The following SLFN12L variants were observed in gnomAD, a reference collection of about 807,000 sequenced individuals.
SLFN12L encodes the protein schlafen family member 12-like.
In SLFN12L, 34 loss-of-function variants were observed where a neutral mutation model predicts 34.8. The ratio of observed to expected loss-of-function variants is 0.98; its 90% CI spans 0.74 to 1.30. The LOEUF is 1.30. Among genes scored for constraint, SLFN12L ranks in the 50% most tolerant of loss-of-function variants. The pLI is 0.00. For synonymous variants in SLFN12L, 259 were observed against 247.5 expected (o/e 1.05, Z -0.44); for missense variants, 703 against 696.2 (o/e 1.01, Z -0.11).
At chr17:35,478,328 A>G (rs939699669) in intron 3 of SLFN12L, 143 bp from the exon 4 acceptor site, 1 of 550,830 alleles carries the variant, frequency 1.8e-6, no homozygotes, top group Non-Finnish European at 3.2e-6. Context: ...TTGTGGTTAC[A>G]TATTGTGGTT....
intron 2 of SLFN12L, chr17:35,491,000 C>A: frequency 1.3e-6 from 1 of 788,328 alleles, no homozygotes; most frequent in South Asian, 1.3e-5. Flanking sequence ...TATGGGAAAC[C>A]TTTCTCCTCC....
At chr17:35,486,266 T>C (rs1332407446) in intron 2 of SLFN12L, among the ~76,000 whole-genome samples, 1 of 152,208 alleles carries the variant, frequency 6.6e-6, no homozygotes, top group Non-Finnish European at 1.5e-5. Context: ...CCTCTGTAAC[T>C]GGAGTCCTGT....
Position 35,469,797 on chromosome 17 carries a change from C to T in SLFN12L, c.*5126G>A, listed in dbSNP as rs1913776103. ...ATATTTTCCCTACCCTACATAAACCCAGGGCCATGTAACAGACAACTGGGG... is the reference window on the plus strand; with the variant it reads ...ATATTTTCCCTACCCTACATAAACCTAGGGCCATGTAACAGACAACTGGGG... On this transcript the variant is annotated 3_prime_UTR_variant, in exon 5 of 5. Transcript: ENST00000628453. 2.0e-5 allele frequency among the ~76,000 whole-genome samples: 3 copies of T among 152,154 alleles called. No individual in the cohort carries two copies.
At chr17:35,501,203 GA>G in intron 2 of SLFN12L, among the ~76,000 whole-genome samples, 1 of 152,332 alleles carries the variant, frequency 6.6e-6, no homozygotes, top group African/African-American at 2.4e-5. Context: ...TGGATCCTGA[GA>G]GCACTCCTGG....
chr17:35,479,075 C>T, intron 3 of SLFN12L, 42 bp downstream of exon 3: 1 of 1,443,484 alleles, frequency 6.9e-7, no homozygotes, highest in African/African-American at 1.4e-5. Flanking sequence ...TTCCTGCCAC[C>T]CAAGCCAAAG....
At chr17:35,483,214 A>G (rs1372269091) in intron 2 of SLFN12L, among the ~76,000 whole-genome samples, 1 of 152,162 alleles carries the variant, frequency 6.6e-6, no homozygotes, top group Admixed American at 6.5e-5. Flanking sequence ...CTGAGAGCTG[A>G]ACATTCCATG....
intron 2 of SLFN12L, among the ~76,000 whole-genome samples, chr17:35,494,861 T>G (rs937335397): frequency 6.6e-6 from 1 of 151,764 alleles, no homozygotes; most frequent in Non-Finnish European, 1.5e-5. Flanking sequence ...TATCACCGAT[T>G]TTTGCGTTAA....
intron 1 of SLFN12L, among the ~76,000 whole-genome samples, chr17:35,535,802 C>T (rs993653615): frequency 4.6e-5 from 7 of 151,950 alleles, no homozygotes; most frequent in South Asian, 2.1e-4. Flanking sequence ...ATGACAGGCA[C>T]GCACCACCAC....
intron 2 of SLFN12L, among the ~76,000 whole-genome samples, chr17:35,507,130 T>C (rs770071187): frequency 1.6e-4 from 24 of 152,236 alleles, no homozygotes; most frequent in Admixed American, 7.2e-4. Context: ...GGCAGGTAGT[T>C]GTGTTATTGG....
rs899501880 is a variant in SLFN12L, at chr17:35,472,112, G to A, written c.*2811C>T. On this transcript the variant is annotated 3_prime_UTR_variant, in exon 5 of 5. Coordinates refer to ENST00000628453, the MANE Select transcript of SLFN12L (RefSeq NM_001363830.2). ...GGCTTTCGTTGCAATTGCTTTTGGTGTTTTTGTCATGAAGTCTTTGCCCAT... is the reference window on the plus strand; with the variant it reads ...GGCTTTCGTTGCAATTGCTTTTGGTATTTTTGTCATGAAGTCTTTGCCCAT... 2.0e-5 allele frequency among the ~76,000 whole-genome samples: 3 copies of A among 152,172 alleles called. No individual in the cohort carries two copies. The highest frequency in any genetic ancestry group is 4.4e-5 in the Non-Finnish European group (3 of 68,020).
intron 2 of SLFN12L, chr17:35,514,932 C>G (rs1261492143): frequency 4.7e-6 from 2 of 422,306 alleles, no homozygotes; most frequent in Non-Finnish European, 9.3e-6. Context: ...GTCAGGTGGT[C>G]TACACCTTTA....
chr17:35,487,657 C>G (rs1191449361), intron 2 of SLFN12L: 1 of 1,477,266 alleles, frequency 6.8e-7, no homozygotes, highest in Non-Finnish European at 9.1e-7. Context: ...GAGAAGTTCT[C>G]GTTTCGTCTG....
intron 1 of SLFN12L, among the ~76,000 whole-genome samples, chr17:35,530,424 AGGAAGGGAAG>A (rs1277432365): frequency 3.0e-4 from 2 of 6,694 alleles, no homozygotes; most frequent in Non-Finnish European, 4.2e-4. Flanking sequence ...GAAGGAAGGA[AGGAAGGGAAG>A]GGAAGGGAAG....
chr17:35,506,936 A>G (rs997603261), intron 2 of SLFN12L, among the ~76,000 whole-genome samples: 2 of 152,252 alleles, frequency 1.3e-5, no homozygotes, highest in East Asian at 1.9e-4. Context: ...CAAAAACTGT[A>G]TAATAGTACT....
intron 4 of SLFN12L, among the ~76,000 whole-genome samples, 159 bp from the exon 5 acceptor site, chr17:35,475,644 A>G (rs553633233): frequency 6.6e-6 from 1 of 152,308 alleles, no homozygotes; most frequent in Admixed American, 6.5e-5. Flanking sequence ...CACACCTGTA[A>G]TAACAACACT....
Position 35,472,459 on chromosome 17 carries a change from T to C in SLFN12L, c.*2464A>G, listed in dbSNP as rs983014260. ...GATGGTTATAGATGTGTGGTGTTAT[T>C]TCTGAGGTCTCTGTTCTGTTCCATT... On this transcript the variant is annotated 3_prime_UTR_variant, in exon 5 of 5. Coordinates refer to ENST00000628453, the MANE Select transcript of SLFN12L (RefSeq NM_001363830.2). Among the ~76,000 whole-genome samples the C allele has an allele frequency of 1.3e-5, 2 of 152,240 alleles. No individual in the cohort carries two copies. Among genetic ancestry groups the C allele is most frequent in the Admixed American group, 1.3e-4 (2 of 15,286 alleles).
intron 1 of SLFN12L, among the ~76,000 whole-genome samples, chr17:35,536,212 A>C (rs915882642): frequency 6.6e-6 from 1 of 152,216 alleles, no homozygotes; most frequent in African/African-American, 2.4e-5. Flanking sequence ...TGGTAAGAAT[A>C]ACCATTCTGG....
At chr17:35,498,174 G>T in intron 2 of SLFN12L, 4 of 296,586 alleles carry the variant, frequency 1.3e-5, no homozygotes, top group South Asian at 3.0e-5. Context: ...CGATCCGGGA[G>T]GCGGCGGCGT....
At chr17:35,482,329 G>T (rs193249154) in intron 2 of SLFN12L, among the ~76,000 whole-genome samples, 103 of 152,328 alleles carry the variant, frequency 6.8e-4, no homozygotes, top group Middle Eastern at 6.8e-3. Flanking sequence ...TCTTCTAAAA[G>T]GGACTTCAGA....
Sources: allele counts gnomAD v4.1 joint callset (sites outside exome capture counted in the v4.1 genomes callset), GRCh38; gene constraint gnomAD v4.1.1; transcripts MANE v1.5; gene names NCBI Gene and HGNC (gene_info 2026-07-23, HGNC 2026-07-21).